RGS6: variants seen among roughly 807,000 people sequenced by gnomAD.
RGS6 encodes the protein regulator of G protein signaling 6, also known as regulator of G-protein signaling 6.
In RGS6, 30 loss-of-function variants were observed where a neutral mutation model predicts 78.5. That is an observed-to-expected ratio of 0.38 (90% CI 0.29 to 0.52). RGS6 has a LOEUF of 0.52. RGS6 is among the 20% of genes least tolerant of loss of function. RGS6 has a pLI of 0.85. For synonymous variants in RGS6, 206 were observed against 206.0 expected, an observed-to-expected ratio of 1.00 and a Z score of 0.00; for missense variants, 495 against 609.7, an observed-to-expected ratio of 0.81 and a Z score of 1.98.
the RGS6 span, among the ~76,000 whole-genome samples, chr14:71,906,801 A>T: frequency 4.6e-5 from 5 of 109,362 alleles, no homozygotes; most frequent in Non-Finnish European, 1.1e-4. Flanking sequence ...GTTTATGCTG[A>T]AAAGCATAAT....
At chr14:72,044,543 G>A (rs1404347212) in intron 2 of RGS6, among the ~76,000 whole-genome samples, 1 of 151,934 alleles carries the variant, frequency 6.6e-6, no homozygotes, top group Non-Finnish European at 1.5e-5. Flanking sequence ...CTAGAGCTGA[G>A]ACATTCATCT....
chr14:72,295,207 C>T (rs1214487804), intron 2 of RGS6, among the ~76,000 whole-genome samples: 12 of 149,636 alleles, frequency 8.0e-5, no homozygotes, highest in East Asian at 2.0e-4. Context: ...AGGAGAATGG[C>T]GTGAACCCGG....
rs151109156 is a variant in RGS6 at position 72,192,359 on chromosome 14, G to A, written c.85-159736G>A. 8.1e-3 allele frequency among the ~76,000 whole-genome samples: 1,231 copies of A among 152,236 alleles called. 15 individuals carry two copies. Among genetic ancestry groups the A allele is most frequent in the African/African-American group, 0.027 (1,138 of 41,526 alleles). On this transcript the variant is annotated intron_variant, in intron 2 of 17. Transcript: ENST00000553525. ...ATCCTTTAGAAGAGGGAGAAAGATG[G>A]TACAAAGAAAAAAGAAGCCAAGGAG...
At chr14:71,885,185 C>A in the RGS6 span, among the ~76,000 whole-genome samples, 1 of 152,214 alleles carries the variant, frequency 6.6e-6, no homozygotes, top group African/African-American at 2.4e-5. Context: ...AAATTATAAA[C>A]AAATTTTCAT....
At chr14:72,222,315 T>C (rs550996814) in intron 2 of RGS6, among the ~76,000 whole-genome samples, 1 of 152,344 alleles carries the variant, frequency 6.6e-6, no homozygotes, top group South Asian at 2.1e-4. Flanking sequence ...TCCTGCCCAC[T>C]CACTGCCTGG....
chr14:71,893,215 TCC>T, the RGS6 span, among the ~76,000 whole-genome samples: 2 of 152,230 alleles, frequency 1.3e-5, no homozygotes, highest in Admixed American at 1.3e-4. Flanking sequence ...ACTTCAGGAT[TCC>T]CCATCTCTGA....
intron 2 of RGS6, among the ~76,000 whole-genome samples, chr14:72,249,669 T>A (rs2055118249): frequency 6.6e-6 from 1 of 152,226 alleles, no homozygotes; most frequent in African/African-American, 2.4e-5. Flanking sequence ...GCAATTGTAT[T>A]TTTTATGGCC....
At chr14:72,399,877 A>G (rs1452600095) in intron 3 of RGS6, among the ~76,000 whole-genome samples, 1 of 152,244 alleles carries the variant, frequency 6.6e-6, no homozygotes, top group East Asian at 1.9e-4. Context: ...TCCAAGAAAT[A>G]TGGGACTATG....
intron 2 of RGS6, among the ~76,000 whole-genome samples, chr14:71,988,741 A>G (rs575497281): frequency 6.9e-4 from 105 of 152,308 alleles, no homozygotes; most frequent in Non-Finnish European, 1.2e-3. Context: ...CAATATTTCC[A>G]TAGGAACCAA....
chr14:71,972,387 C>T (rs557092525), intron 2 of RGS6, among the ~76,000 whole-genome samples: 2 of 151,862 alleles, frequency 1.3e-5, no homozygotes, highest in South Asian at 4.2e-4. Flanking sequence ...CTCCTTTAAA[C>T]TTGGTCCTTT....
At chr14:72,547,409 G>A (rs763212134) in intron 17 of RGS6, 4 of 1,288,818 alleles carry the variant, frequency 3.1e-6, no homozygotes, top group Non-Finnish European at 4.3e-6. Context: ...CCCAAAATGA[G>A]CTCCTGGTGG....
intron 2 of RGS6, among the ~76,000 whole-genome samples, chr14:72,273,092 A>G (rs2060182272): frequency 6.6e-6 from 1 of 150,622 alleles, no homozygotes. Flanking sequence ...AGGCCGTGCC[A>G]TTGCACTCCA....
rs11381940 is a variant in RGS6, at chr14:72,281,144, C to CTTTT, written c.85-70933_85-70930dup. Among the ~76,000 whole-genome samples the CTTTT allele has an allele frequency of 4.9e-3, 552 of 112,798 alleles. 8 individuals are homozygous for CTTTT. Among genetic ancestry groups the CTTTT allele is most frequent in the African/African-American group, 0.018 (513 of 28,836 alleles). 74.0% of individuals were successfully genotyped at this position (112,798 alleles called of 152,430 possible). On this transcript the variant is annotated intron_variant, in intron 2 of 17. Coordinates refer to ENST00000553525, the MANE Select transcript of RGS6 (RefSeq NM_001204424.2). ...AAAAAGTGAGAAGTGAAACAAGATT[C>CTTTT]TTTTTTTTTTTTTTTTTTTTTGGAG...
chr14:72,495,502 C>A (rs2096633424), intron 13 of RGS6, among the ~76,000 whole-genome samples: 2 of 152,164 alleles, frequency 1.3e-5, no homozygotes, highest in South Asian at 4.2e-4. Context: ...GAGACAGTCC[C>A]TCACCATTCC....
chr14:72,124,183 A>C lies in RGS6; in HGVS notation c.84+159308A>C, dbSNP rs533553989. Among the ~76,000 whole-genome samples, 4 of 152,300 alleles carry C rather than the reference A, an allele frequency of 2.6e-5. No individual in the cohort carries two copies. In the East Asian group the frequency reaches 7.7e-4, roughly 29 times the overall value. The stretch of plus-strand genomic sequence containing the variant: ...TAACAGCCATTTAATCTGTTTGCTG[A>C]TACAGTCTCCTTTGCTTTATTATGT... On this transcript the variant is annotated intron_variant, in intron 2 of 17. Transcript: ENST00000553525.
the RGS6 span, among the ~76,000 whole-genome samples, chr14:72,612,993 C>CGTGTGTGTGTGTGT: frequency 3.3e-4 from 49 of 148,952 alleles, no homozygotes; most frequent in East Asian, 4.3e-3. Flanking sequence ...TTAAGTAGGG[C>CGTGTGTGTGTGTGT]GTGTGTGTGT....
chr14:72,071,603 G>T (rs764043214), intron 2 of RGS6, among the ~76,000 whole-genome samples: 2 of 152,108 alleles, frequency 1.3e-5, no homozygotes, highest in Admixed American at 6.6e-5. Context: ...TAGGTGGGTG[G>T]ACTTAATACT....
At chr14:72,467,454 T>A in intron 7 of RGS6, among the ~76,000 whole-genome samples, 1 of 152,096 alleles carries the variant, frequency 6.6e-6, no homozygotes. Context: ...TGCCAGGCCT[T>A]ACCTCTCCTA....
At chr14:72,414,383 A>G (rs1183996869) in intron 3 of RGS6, among the ~76,000 whole-genome samples, 1 of 152,134 alleles carries the variant, frequency 6.6e-6, no homozygotes, top group Non-Finnish European at 1.5e-5. Flanking sequence ...TGCATTCGTC[A>G]CATAGTTCTC....
Sources: allele counts gnomAD v4.1 joint callset (sites outside exome capture counted in the v4.1 genomes callset), GRCh38; gene constraint gnomAD v4.1.1; transcripts MANE v1.5; gene names NCBI Gene and HGNC (gene_info 2026-07-23, HGNC 2026-07-21).